The following ASZ1 variants were observed in gnomAD, a reference collection of about 807,000 sequenced individuals.
ASZ1 encodes the protein ankyrin repeat, SAM and basic leucine zipper domain containing 1, also known as ankyrin repeat, SAM and basic leucine zipper domain-containing protein 1.
Under a neutral mutation model 61.8 loss-of-function variants are expected in ASZ1, and 67 were observed. That is an observed-to-expected ratio of 1.08 (90% CI 0.89 to 1.33). The LOEUF (loss-of-function observed/expected upper bound fraction) is 1.33. ASZ1 is among the 40% of genes most tolerant of loss of function. ASZ1 has a pLI of 0.00. For missense variants in ASZ1, 577 were observed against 554.5 expected, an observed-to-expected ratio of 1.04 and a Z score of -0.41; for synonymous variants, 193 against 192.7, an observed-to-expected ratio of 1.00 and a Z score of -0.01.
intron 10 of ASZ1, among the ~76,000 whole-genome samples, chr7:117,370,646 A>G (rs1796031861): frequency 1.3e-5 from 2 of 152,182 alleles, no homozygotes; most frequent in Non-Finnish European, 2.9e-5. Flanking sequence ...GAATACAATA[A>G]CCATAAGATG....
Position 117,383,087 on chromosome 7 carries a change from A to C in ASZ1, c.711T>G (p.Thr237=). The C allele has an allele frequency of 6.4e-7, 1 of 1,568,262 alleles. No homozygotes were observed. Among genetic ancestry groups the C allele is most frequent in the Non-Finnish European group, 8.6e-7 (1 of 1,161,010 alleles). Residue 237 remains threonine (T), a synonymous_variant, in exon 7 of 13, where the codon ACT becomes ACG. Coordinates refer to ENST00000284629, the MANE Select transcript of ASZ1 (RefSeq NM_130768.3). The part of the protein sequence containing the change: ...HHEIFNLLSF[T]LNPLEGKLQQ... ...GAAGTTTTCCTTCCAATGGATTTAAAGTAAAAGAAAGTAAGTTGAAGATCT... is the reference window on the plus strand; with the variant it reads ...GAAGTTTTCCTTCCAATGGATTTAACGTAAAAGAAAGTAAGTTGAAGATCT...
chr7:117,396,268 A>G (rs1796573780), intron 4 of ASZ1, among the ~76,000 whole-genome samples: 1 of 152,336 alleles, frequency 6.6e-6, no homozygotes, highest in Non-Finnish European at 1.5e-5. Context: ...TATTAACTAC[A>G]TCTTGTATTT....
At chr7:117,372,384 ATGAT>A (rs1299678685) in intron 10 of ASZ1, among the ~76,000 whole-genome samples, 49 of 152,266 alleles carry the variant, frequency 3.2e-4, no homozygotes, top group African/African-American at 1.2e-3. Flanking sequence ...GAGCCACTGA[ATGAT>A]CCTGCCATCT....
chr7:117,412,838 A>G (rs1796922470), intron 4 of ASZ1, among the ~76,000 whole-genome samples: 1 of 151,860 alleles, frequency 6.6e-6, no homozygotes, highest in Non-Finnish European at 1.5e-5. Context: ...CACAATTTCT[A>G]AAAACAAAAA....
intron 4 of ASZ1, among the ~76,000 whole-genome samples, chr7:117,393,423 T>C (rs943260208): frequency 6.6e-6 from 1 of 152,144 alleles, no homozygotes. Flanking sequence ...AAGCCATGTA[T>C]ATTAAAACTA....
chr7:117,386,202 C>T (rs1796353175), intron 4 of ASZ1, among the ~76,000 whole-genome samples: 1 of 152,080 alleles, frequency 6.6e-6, no homozygotes, highest in Non-Finnish European at 1.5e-5. Context: ...TTTGCTAATA[C>T]TAAATGCTTA....
intron 4 of ASZ1, among the ~76,000 whole-genome samples, chr7:117,390,129 C>T (rs1015044544): frequency 7.3e-5 from 11 of 150,962 alleles, no homozygotes; most frequent in Non-Finnish European, 1.6e-4. Context: ...TTTATCCACT[C>T]TTGAGTTGAT....
intron 10 of ASZ1, among the ~76,000 whole-genome samples, chr7:117,379,146 TATATATATATATATATATATATACAC>T (rs149755801): frequency 0.31 from 35,053 of 112,532 alleles, 4,697 homozygotes; most frequent in African/African-American, 0.35. Context: ...TATATATATA[TATATATATATATATATATATATACAC>T]ACACACACAC....
intron 4 of ASZ1, 110 bp downstream of exon 4, chr7:117,420,053 C>A: frequency 1.5e-6 from 1 of 677,948 alleles, no homozygotes. Flanking sequence ...GAACTATTTT[C>A]ATTCATCAAC....
Position 117,423,486 on chromosome 7 carries a change from T to G in ASZ1, c.206-1127A>C, listed in dbSNP as rs1162470281. On this transcript the variant is annotated intron_variant, in intron 2 of 12. Coordinates refer to ENST00000284629, the MANE Select transcript of ASZ1 (RefSeq NM_130768.3). Reference sequence around the variant, plus strand: ...TGAGATCAGAGAAAAGATCATTGTTTTCTCAATTTATTGAGAATACTGCTC... The same window carrying G: ...TGAGATCAGAGAAAAGATCATTGTTGTCTCAATTTATTGAGAATACTGCTC... Among the ~76,000 whole-genome samples, 3 of 152,136 alleles carry G rather than the reference T, an allele frequency of 2.0e-5. No individual in the cohort carries two copies. The East Asian group carries it at 5.8e-4, about 29-fold the overall frequency.
At chr7:117,403,279 C>T (rs1042119622) in intron 4 of ASZ1, among the ~76,000 whole-genome samples, 1 of 152,068 alleles carries the variant, frequency 6.6e-6, no homozygotes, top group African/African-American at 2.4e-5. Context: ...TTCCAAGTCC[C>T]GTCAGGTTTT....
intron 6 of ASZ1, among the ~76,000 whole-genome samples, chr7:117,383,346 A>C (rs1562849427): frequency 1.3e-5 from 2 of 152,058 alleles, no homozygotes; most frequent in Non-Finnish European, 2.9e-5. Flanking sequence ...AATGTATAAT[A>C]AACAAATCAG....
At position 117,384,713 on chromosome 7, in the gene ASZ1, T is replaced by C; in HGVS notation, c.687+13A>G. On this transcript the variant is annotated intron_variant, in intron 6 of 12. Transcript: ENST00000284629. ...TGCCACAGAAAATAAGTTTAATATG[T>C]ACAGAAGGATACCTCATGATGTTTG... 6.2e-7 allele frequency: 1 copy of C among 1,609,050 alleles called. No homozygotes were observed. The highest frequency in any genetic ancestry group is 1.7e-5 in the Admixed American group (1 of 59,486).
At chr7:117,401,662 A>G (rs1400618644) in intron 4 of ASZ1, among the ~76,000 whole-genome samples, 1 of 152,196 alleles carries the variant, frequency 6.6e-6, no homozygotes, top group Non-Finnish European at 1.5e-5. Flanking sequence ...TATGTTACAT[A>G]GCATTTTTAC....
intron 10 of ASZ1, among the ~76,000 whole-genome samples, chr7:117,373,424 T>A (rs1424077728): frequency 6.6e-6 from 1 of 152,158 alleles, no homozygotes; most frequent in African/African-American, 2.4e-5. Context: ...AAAAAGTAAA[T>A]GCAGTGTGTG....
intron 4 of ASZ1, among the ~76,000 whole-genome samples, chr7:117,397,556 A>G (rs1796600413): frequency 6.6e-6 from 1 of 152,168 alleles, no homozygotes. Context: ...AATGTTTTCA[A>G]TTTTTTCAGA....
chr7:117,407,671 G>A lies in ASZ1; in HGVS notation c.440+12492C>T, dbSNP rs1419441016. Among the ~76,000 whole-genome samples, 3 of 152,110 alleles carry A rather than the reference G, an allele frequency of 2.0e-5. No individual in the cohort carries two copies. In the East Asian group the frequency reaches 5.8e-4, roughly 29 times the overall value. Reference sequence around the variant, plus strand: ...GATCTTTCTCTCAAAATATCTTATTGTACTATATTCACCCTTTTTCTTCTT... The same window carrying A: ...GATCTTTCTCTCAAAATATCTTATTATACTATATTCACCCTTTTTCTTCTT... On this transcript the variant is annotated intron_variant, in intron 4 of 12. Coordinates refer to ENST00000284629, the MANE Select transcript of ASZ1 (RefSeq NM_130768.3).
chr7:117,407,133 T>TA (rs1226914637), intron 4 of ASZ1, among the ~76,000 whole-genome samples: 1 of 151,850 alleles, frequency 6.6e-6, no homozygotes, highest in Non-Finnish European at 1.5e-5. Flanking sequence ...CAATCTGGAT[T>TA]AAAAAAGGGG....
intron 4 of ASZ1, among the ~76,000 whole-genome samples, chr7:117,407,156 C>T (rs560074044): frequency 6.6e-6 from 1 of 152,152 alleles, no homozygotes; most frequent in Non-Finnish European, 1.5e-5. Flanking sequence ...CTATATATTA[C>T]TTACTTTAAA....
Sources: allele counts gnomAD v4.1 joint callset (sites outside exome capture counted in the v4.1 genomes callset), GRCh38; gene constraint gnomAD v4.1.1; transcripts MANE v1.5; gene names NCBI Gene and HGNC (gene_info 2026-07-23, HGNC 2026-07-21).